Variants in DMD observed in about 807,000 individuals in gnomAD.
DMD encodes the protein dystrophin, also known as mutant dystrophin.
In DMD, 63 loss-of-function variants were observed where a neutral mutation model predicts 330.1. The ratio of observed to expected loss-of-function variants is 0.19; its 90% CI spans 0.16 to 0.24. The LOEUF is 0.24. DMD is among the 10% of genes least tolerant of loss of function. The probability of loss-of-function intolerance (pLI) is 1.00; values close to 1 mark genes in which losing one functional copy is unlikely to be tolerated. For missense variants in DMD, 3,344 were observed against 2,684.1 expected (o/e 1.25, Z -5.43); for synonymous variants, 1,223 against 959.8 (o/e 1.27, Z -5.07).
At chrX:31,151,401 T>C (rs1050192813) in intron 74 of DMD, among the ~76,000 whole-genome samples, 1 of 112,439 alleles carries the variant, frequency 8.9e-6, no homozygotes, top group African/African-American at 3.2e-5. Flanking sequence ...TTTTTAGACA[T>C]GGACCTCAAG....
At chrX:32,199,218 T>G (rs2097020880) in intron 44 of DMD, among the ~76,000 whole-genome samples, 1 of 111,732 alleles carries the variant, frequency 8.9e-6, no homozygotes, top group Non-Finnish European at 1.9e-5. Context: ...GAACATTGAT[T>G]CCCTTTGAGA....
At chrX:33,104,672 G>A (rs1465291213) in intron 1 of DMD, among the ~76,000 whole-genome samples, 2 of 111,703 alleles carry the variant, frequency 1.8e-5, no homozygotes, top group Non-Finnish European at 3.8e-5. Context: ...CTCACACAAA[G>A]CCTGTTTGGT....
At chrX:32,322,161 AG>A (rs2097619934) in intron 41 of DMD, among the ~76,000 whole-genome samples, 1 of 111,708 alleles carries the variant, frequency 9.0e-6, no homozygotes, top group Non-Finnish European at 1.9e-5. Context: ...ATGAGAAAAA[AG>A]AAGAGATGGA....
intron 11 of DMD, among the ~76,000 whole-genome samples, chrX:32,622,066 C>G (rs892086457): frequency 1.9e-4 from 21 of 111,377 alleles, no homozygotes; most frequent in African/African-American, 5.2e-4. Context: ...AAGATATTAA[C>G]ATTAATAGGA....
At chrX:31,766,504 C>T (rs1379480878) in intron 51 of DMD, among the ~76,000 whole-genome samples, 2 of 112,014 alleles carry the variant, frequency 1.8e-5, no homozygotes, top group Non-Finnish European at 3.8e-5. Context: ...GTGATACACC[C>T]GCCTCAGCCT....
At chrX:31,341,891 GCACA>G (rs58867858) in intron 61 of DMD, among the ~76,000 whole-genome samples, 13,633 of 98,786 alleles carry the variant, frequency 0.14, 773 homozygotes, top group African/African-American at 0.23. Flanking sequence ...GTGCGCGCGC[GCACA>G]CACACACACA....
At chrX:33,278,654 T>C (rs141225278) in intron 1 of DMD, among the ~76,000 whole-genome samples, 2,203 of 111,549 alleles carry the variant, frequency 0.02, 47 homozygotes, top group African/African-American at 0.068. Context: ...CCAGTGCATA[T>C]GATTTTTGGT....
intron 62 of DMD, among the ~76,000 whole-genome samples, chrX:31,291,882 C>A (rs1383713880): frequency 9.0e-6 from 1 of 111,086 alleles, no homozygotes; most frequent in Non-Finnish European, 1.9e-5. Flanking sequence ...GAATGTTTAG[C>A]ATCAAGTACT....
At chrX:32,637,699 C>A (rs1239937272) in intron 11 of DMD, among the ~76,000 whole-genome samples, 1 of 111,414 alleles carries the variant, frequency 9.0e-6, no homozygotes, top group Admixed American at 9.5e-5. Flanking sequence ...TGTCCTTCTT[C>A]ACATGGCAGC....
intron 21 of DMD, among the ~76,000 whole-genome samples, chrX:32,481,922 G>A (rs1437232879): frequency 3.6e-5 from 4 of 111,717 alleles, no homozygotes; most frequent in African/African-American, 9.7e-5. Context: ...GTGAAAAAGT[G>A]AGCAAGACTC....
intron 50 of DMD, among the ~76,000 whole-genome samples, chrX:31,783,534 C>T (rs2091133056): frequency 9.0e-6 from 1 of 111,350 alleles, no homozygotes; most frequent in Admixed American, 9.6e-5. Flanking sequence ...TCATCTTTTC[C>T]TTCCTCACAA....
At chrX:31,570,738 T>C (rs1423621457) in intron 55 of DMD, among the ~76,000 whole-genome samples, 1 of 111,498 alleles carries the variant, frequency 9.0e-6, no homozygotes, top group African/African-American at 3.3e-5. Context: ...TTTGGTAGGT[T>C]CTGGCACTCA....
At chrX:32,685,480 G>A (rs776644674) in intron 9 of DMD, among the ~76,000 whole-genome samples, 1 of 111,685 alleles carries the variant, frequency 9.0e-6, no homozygotes, top group Admixed American at 9.5e-5. Context: ...CTTGGGACAT[G>A]TTATAATGAA....
intron 16 of DMD, among the ~76,000 whole-genome samples, chrX:32,556,555 C>T (rs2050323077): frequency 9.0e-6 from 1 of 111,394 alleles, no homozygotes; most frequent in Non-Finnish European, 1.9e-5. Context: ...ATGGAATCAA[C>T]CTTAATGCTC....
chrX:31,291,383 G>T (rs1466299614), intron 62 of DMD, among the ~76,000 whole-genome samples: 1 of 111,609 alleles, frequency 9.0e-6, no homozygotes, highest in African/African-American at 3.3e-5. Context: ...TAACTTTCCG[G>T]AGCCACCATT....
chrX:33,056,536 A>AT lies in DMD; in HGVS notation c.32-36337dup, dbSNP rs765470796. ...CCACCATGCCCGGCTAATTTTTTGT[A>AT]TTTTTAGTAGAGACGGGGTTTTACC... On this transcript the variant is annotated intron_variant, in intron 1 of 78. Coordinates refer to ENST00000357033, the MANE Select transcript of DMD (RefSeq NM_004006.3). Among the ~76,000 whole-genome samples the AT allele has an allele frequency of 2.6e-3, 283 of 108,449 alleles. 4 individuals carry two copies. The highest frequency in any genetic ancestry group is 0.015 in the South Asian group (36 of 2,429). 94.2% of individuals were successfully genotyped at this position (108,449 alleles called of 115,157 possible). A position where few individuals can be genotyped will look rare whatever the true frequency, so the allele number is the denominator to read the frequency against.
chrX:31,758,684 T>A (rs2646306), intron 51 of DMD, among the ~76,000 whole-genome samples: 1 of 111,707 alleles, frequency 9.0e-6, no homozygotes, highest in African/African-American at 3.3e-5. Flanking sequence ...TTTTTTCAAG[T>A]GTCTATCATT....
intron 44 of DMD, among the ~76,000 whole-genome samples, chrX:32,026,546 G>A (rs1251405730): frequency 8.9e-6 from 1 of 112,449 alleles, no homozygotes; most frequent in Non-Finnish European, 1.9e-5. Flanking sequence ...ATGTAGTTCA[G>A]CTGCCTGAGA....
chrX:31,536,670 C>A (rs1484527629), intron 55 of DMD, among the ~76,000 whole-genome samples: 1 of 111,735 alleles, frequency 8.9e-6, no homozygotes, highest in Non-Finnish European at 1.9e-5. Context: ...TCCTACTTAA[C>A]CTTTCACCAA....
Sources: gnomAD v4.1 joint callset for allele counts (sites outside exome capture counted in the v4.1 genomes callset) on GRCh38, gnomAD v4.1.1 for gene constraint, MANE v1.5 for transcripts, NCBI Gene and HGNC (gene_info 2026-07-23, HGNC 2026-07-21) for gene names.